The following TEAD1 variants were observed in gnomAD, a reference collection of about 807,000 sequenced individuals.
TEAD1 encodes transcriptional enhancer factor TEF-1.
In TEAD1, 9 loss-of-function variants were observed where a neutral mutation model predicts 54.9. The ratio of observed to expected loss-of-function variants is 0.16; its 90% CI spans 0.10 to 0.29. The LOEUF (loss-of-function observed/expected upper bound fraction) is 0.29. Among genes scored for constraint, TEAD1 ranks in the 10% least tolerant of loss-of-function variants. The pLI, the probability that TEAD1 is intolerant of heterozygous loss-of-function variation, is 1.00. For missense variants in TEAD1, 387 were observed against 535.9 expected (o/e 0.72, Z 2.74); for synonymous variants, 200 against 187.8 (o/e 1.07, Z -0.53).
intron 3 of TEAD1, among the ~76,000 whole-genome samples, chr11:12,850,055 G>C (rs564526915): frequency 2.0e-5 from 3 of 152,198 alleles, no homozygotes; most frequent in Non-Finnish European, 4.4e-5. Context: ...GTCCTGAACA[G>C]AAAACCTTTT....
At chr11:12,847,768 T>C (rs1479427086) in intron 3 of TEAD1, among the ~76,000 whole-genome samples, 1 of 152,194 alleles carries the variant, frequency 6.6e-6, no homozygotes, top group Non-Finnish European at 1.5e-5. Flanking sequence ...GCAGTCCTCC[T>C]GTCTTGGCCT....
chr11:12,871,843 G>A (rs1158328270), intron 5 of TEAD1, among the ~76,000 whole-genome samples: 1 of 152,174 alleles, frequency 6.6e-6, no homozygotes, highest in African/African-American at 2.4e-5. Context: ...ATCTTAGGCA[G>A]TAGATGTATT....
At chr11:12,829,427 A>C (rs974354196) in intron 3 of TEAD1, among the ~76,000 whole-genome samples, 1 of 152,202 alleles carries the variant, frequency 6.6e-6, no homozygotes, top group African/African-American at 2.4e-5. Flanking sequence ...CCTCGGAGCA[A>C]CTGGTTTCTC....
At chr11:12,868,679 G>C (rs1382690599) in intron 5 of TEAD1, among the ~76,000 whole-genome samples, 3 of 152,228 alleles carry the variant, frequency 2.0e-5, no homozygotes, top group Non-Finnish European at 4.4e-5. Context: ...TTGTTCTAGT[G>C]AAAGTCTAAG....
intron 3 of TEAD1, among the ~76,000 whole-genome samples, chr11:12,796,324 A>G (rs1945920528): frequency 6.6e-6 from 1 of 152,188 alleles, no homozygotes. Context: ...ACCATAGGAA[A>G]TCAGCGTTGT....
chr11:12,894,600 G>A (rs1377956669), intron 9 of TEAD1, among the ~76,000 whole-genome samples: 2 of 152,168 alleles, frequency 1.3e-5, no homozygotes, highest in Non-Finnish European at 2.9e-5. Context: ...GGTACTGTGT[G>A]CCTGAGGGAA....
At chr11:12,903,034 G>A (rs1383487136) in intron 10 of TEAD1, among the ~76,000 whole-genome samples, 1 of 152,012 alleles carries the variant, frequency 6.6e-6, no homozygotes, top group Non-Finnish European at 1.5e-5. Flanking sequence ...CCTTCCTCTG[G>A]GCTCTGCCTC....
At chr11:12,908,236 A>T (rs1017988874) in intron 10 of TEAD1, among the ~76,000 whole-genome samples, 5 of 152,114 alleles carry the variant, frequency 3.3e-5, no homozygotes, top group Admixed American at 3.3e-4. Context: ...ACCCCAGGAT[A>T]CAGTGTTCCT....
chr11:12,853,320 ATAGT>A (rs1190666006), intron 3 of TEAD1, among the ~76,000 whole-genome samples: 2 of 152,150 alleles, frequency 1.3e-5, no homozygotes, highest in Non-Finnish European at 2.9e-5. Context: ...GTCATGAAAA[ATAGT>A]TAGGGGCCAG....
chr11:12,902,162 C>G (rs1589974625), intron 10 of TEAD1, 49 bp downstream of exon 10: 4 of 1,608,082 alleles, frequency 2.5e-6, no homozygotes, highest in Non-Finnish European at 3.4e-6. Context: ...TGAATGGTCA[C>G]ATCTCTTACA....
At chr11:12,723,529 A>G (rs1944254256) in intron 2 of TEAD1, among the ~76,000 whole-genome samples, 1 of 152,160 alleles carries the variant, frequency 6.6e-6, no homozygotes, top group East Asian at 1.9e-4. Context: ...ACTTCCTTAT[A>G]GGTCATAAGT....
rs113062807 is a variant in TEAD1 at position 12,714,307 on chromosome 11, G to C, written c.-55+38746G>C. On this transcript the variant is annotated intron_variant, in intron 2 of 12. Coordinates refer to ENST00000527636, the MANE Select transcript of TEAD1 (RefSeq NM_021961.6). ...GAAAGGTCTTAGAGTGGGATGATAGGATCTGCACCCTGTCTTTGTCCCCAG... is the reference window on the plus strand; with the variant it reads ...GAAAGGTCTTAGAGTGGGATGATAGCATCTGCACCCTGTCTTTGTCCCCAG... Among the ~76,000 whole-genome samples, 249 of 152,286 alleles carry C rather than the reference G, an allele frequency of 1.6e-3. 1 individual carries two copies. Among genetic ancestry groups the C allele is most frequent in the Middle Eastern group, 3.4e-3 (1 of 294 alleles).
chr11:12,770,625 C>T (rs1945294708), intron 3 of TEAD1, among the ~76,000 whole-genome samples: 1 of 152,180 alleles, frequency 6.6e-6, no homozygotes, highest in South Asian at 2.1e-4. Flanking sequence ...GCCCATTTTG[C>T]TGCTGAGGAA....
At chr11:12,863,434 T>C (rs1420544528) in intron 4 of TEAD1, among the ~76,000 whole-genome samples, 5 of 152,028 alleles carry the variant, frequency 3.3e-5, no homozygotes, top group Non-Finnish European at 4.4e-5. Context: ...AGGAGCCAGA[T>C]GGAGGGCTGA....
intron 5 of TEAD1, chr11:12,878,811 GT>G (rs1554945104): frequency 0.012 from 8,902 of 756,850 alleles, 37 homozygotes; most frequent in Middle Eastern, 0.018. Context: ...ATATATATAT[GT>G]TTTTTTTTTA....
At chr11:12,765,489 G>A (rs918018241) in intron 3 of TEAD1, among the ~76,000 whole-genome samples, 8 of 152,126 alleles carry the variant, frequency 5.3e-5, no homozygotes, top group African/African-American at 1.9e-4. Flanking sequence ...CTGAACAATT[G>A]GAAGTCTTTT....
At chr11:12,925,782 A>G (rs1355160948) in intron 11 of TEAD1, among the ~76,000 whole-genome samples, 1 of 151,964 alleles carries the variant, frequency 6.6e-6, no homozygotes, top group Non-Finnish European at 1.5e-5. Flanking sequence ...GTCCAAGGGC[A>G]CTCCCAGGCA....
At chr11:12,815,355 C>T (rs1946394424) in intron 3 of TEAD1, among the ~76,000 whole-genome samples, 1 of 152,138 alleles carries the variant, frequency 6.6e-6, no homozygotes, top group African/African-American at 2.4e-5. Context: ...GCTCTCTCTG[C>T]CCCAGCTGTT....
intron 2 of TEAD1, among the ~76,000 whole-genome samples, chr11:12,752,221 T>G (rs992180173): frequency 8.6e-5 from 13 of 151,322 alleles, no homozygotes; most frequent in Non-Finnish European, 1.5e-4. Context: ...CAGTTTTTTT[T>G]TTTTTTTTTT....
Sources: allele counts gnomAD v4.1 joint callset (sites outside exome capture counted in the v4.1 genomes callset), GRCh38; gene constraint gnomAD v4.1.1; transcripts MANE v1.5; gene names NCBI Gene and HGNC (gene_info 2026-07-23, HGNC 2026-07-21).